Variants in KLHL2 observed in about 807,000 individuals in gnomAD.
KLHL2 encodes the protein kelch like family member 2.
A neutral mutation model predicts 75.8 loss-of-function variants in KLHL2; 15 were observed. The ratio of observed to expected loss-of-function variants is 0.20; its 90% CI spans 0.13 to 0.30. KLHL2 has a LOEUF of 0.30. Ranked by LOEUF, KLHL2 falls within the 10% of genes least tolerant of loss-of-function variation. The pLI, the probability that KLHL2 is intolerant of heterozygous loss-of-function variation, is 1.00. For synonymous variants in KLHL2, 214 were observed against 251.9 expected, an observed-to-expected ratio of 0.85 and a Z score of 1.42; for missense variants, 381 against 741.0, an observed-to-expected ratio of 0.51 and a Z score of 5.64.
At chr4:165,253,559 T>C (rs1740915546) in intron 4 of KLHL2, among the ~76,000 whole-genome samples, 1 of 152,258 alleles carries the variant, frequency 6.6e-6, no homozygotes. Context: ...CCTAGTGGGA[T>C]ATAATTTACA....
intron 5 of KLHL2, 102 bp from the exon 6 acceptor site, chr4:165,294,257 T>A (rs1178065629): frequency 1.5e-6 from 1 of 680,934 alleles, no homozygotes; most frequent in Non-Finnish European, 2.5e-6. Flanking sequence ...GGTTTTCTCA[T>A]TCTTAAGTTA....
At chr4:165,306,752 TGATG>T (rs1356604591) in intron 9 of KLHL2, among the ~76,000 whole-genome samples, 1 of 152,242 alleles carries the variant, frequency 6.6e-6, no homozygotes, top group African/African-American at 2.4e-5. Flanking sequence ...ATAGTTTTAT[TGATG>T]TCACAGATAC....
At chr4:165,238,544 C>G (rs1164715372) in intron 3 of KLHL2, among the ~76,000 whole-genome samples, 1 of 152,174 alleles carries the variant, frequency 6.6e-6, no homozygotes, top group Admixed American at 6.5e-5. Context: ...ATGGCACGTT[C>G]ATTGTTGTGA....
At chr4:165,289,489 T>G (rs1744338377) in intron 5 of KLHL2, among the ~76,000 whole-genome samples, 1 of 151,308 alleles carries the variant, frequency 6.6e-6, no homozygotes, top group Non-Finnish European at 1.5e-5. Flanking sequence ...CACTTTTCCT[T>G]TAGGCTAATT....
At chr4:165,257,573 G>A (rs1215538157) in intron 4 of KLHL2, among the ~76,000 whole-genome samples, 3 of 152,204 alleles carry the variant, frequency 2.0e-5, no homozygotes, top group African/African-American at 7.2e-5. Flanking sequence ...GGGCCTGGTT[G>A]CTGCAGTGGT....
intron 5 of KLHL2, among the ~76,000 whole-genome samples, chr4:165,286,579 A>C (rs1239652951): frequency 6.6e-6 from 1 of 152,182 alleles, no homozygotes; most frequent in Non-Finnish European, 1.5e-5. Flanking sequence ...AAGGCCATTA[A>C]GCTTAAAATC....
chr4:165,234,410 TA>T (rs774491390), intron 3 of KLHL2, among the ~76,000 whole-genome samples: 15 of 152,232 alleles, frequency 9.9e-5, no homozygotes, highest in Non-Finnish European at 1.8e-4. Context: ...GTTACACTTT[TA>T]TTTTTTTTCA....
intron 7 of KLHL2, among the ~76,000 whole-genome samples, chr4:165,298,939 G>GCCC (rs536962387): frequency 3.6e-4 from 37 of 101,640 alleles, no homozygotes; most frequent in Admixed American, 1.2e-3. Context: ...CCTTCCCCCC[G>GCCC]CCCCCCCTCC....
chr4:165,307,318 C>T (rs577073046), intron 9 of KLHL2, among the ~76,000 whole-genome samples: 1 of 152,164 alleles, frequency 6.6e-6, no homozygotes, highest in Admixed American at 6.5e-5. Flanking sequence ...AAAAAACAAA[C>T]AAACAAACAA....
chr4:165,310,558 G>T lies in KLHL2; in HGVS notation c.1045G>T (p.Val349Phe). 1 of 1,613,690 alleles carries T rather than the reference G, an allele frequency of 6.2e-7. No individual in the cohort carries two copies. The highest frequency in any genetic ancestry group is 8.5e-7 in the Non-Finnish European group (1 of 1,179,642). ...LPSRRCRAGMVYMAGLVFAVG... is the reference protein window; with the variant it reads ...LPSRRCRAGMFYMAGLVFAVG... Reference sequence around the variant, plus strand: ...ATGCTGTACTCCTTTTGCAGGCATGGTCTACATGGCTGGACTTGTTTTTGC... The same window carrying T: ...ATGCTGTACTCCTTTTGCAGGCATGTTCTACATGGCTGGACTTGTTTTTGC... The change falls in exon 10 of 15, where the codon GTC becomes TTC. Residue 349 changes from valine to phenylalanine, a missense_variant. Physicochemically the swap from Val to Phe is conservative, Grantham distance 50. This residue lies in a region of KLHL2 where 168 missense variants were observed against 370.4 expected (regional missense o/e 0.45). Transcript: ENST00000226725.
intron 5 of KLHL2, among the ~76,000 whole-genome samples, chr4:165,281,074 T>C (rs1403515165): frequency 6.6e-6 from 1 of 152,214 alleles, no homozygotes; most frequent in Non-Finnish European, 1.5e-5. Context: ...ATTCATACTT[T>C]TGCCCTCACT....
intron 9 of KLHL2, 40 bp downstream of exon 9, chr4:165,305,765 T>C: frequency 7.6e-7 from 1 of 1,322,208 alleles, no homozygotes; most frequent in Non-Finnish European, 1.1e-6. Context: ...TACTCCTGGG[T>C]CATTGGGAGC....
At chr4:165,300,678 C>CT (rs1745281462) in intron 8 of KLHL2, among the ~76,000 whole-genome samples, 1 of 152,182 alleles carries the variant, frequency 6.6e-6, no homozygotes, top group South Asian at 2.1e-4. Context: ...ACGACCAATA[C>CT]TTTAAGCACC....
At chr4:165,232,868 C>T (rs1739016386) in intron 3 of KLHL2, among the ~76,000 whole-genome samples, 1 of 148,234 alleles carries the variant, frequency 6.7e-6, no homozygotes, top group African/African-American at 2.5e-5. Flanking sequence ...TGGTCTGAAA[C>T]CCTGTTAAGC....
At chr4:165,321,679 T>C (rs1373280894) in intron 14 of KLHL2, among the ~76,000 whole-genome samples, 2 of 152,218 alleles carry the variant, frequency 1.3e-5, no homozygotes, top group Non-Finnish European at 2.9e-5. Flanking sequence ...TTATTACTTT[T>C]GACAGAGTAT....
intron 5 of KLHL2, among the ~76,000 whole-genome samples, chr4:165,273,568 A>T (rs529351067): frequency 6.6e-6 from 1 of 152,288 alleles, no homozygotes; most frequent in South Asian, 2.1e-4. Context: ...TTGTGATAGT[A>T]AGTCTCACAA....
intron 5 of KLHL2, among the ~76,000 whole-genome samples, chr4:165,268,355 C>G (rs1742411598): frequency 6.6e-6 from 1 of 152,082 alleles, no homozygotes; most frequent in African/African-American, 2.4e-5. Flanking sequence ...CTTCTGCTAG[C>G]TTTTGAATGT....
intron 8 of KLHL2, among the ~76,000 whole-genome samples, chr4:165,304,967 C>T (rs1035245872): frequency 1.3e-5 from 2 of 152,128 alleles, no homozygotes; most frequent in African/African-American, 4.8e-5. Flanking sequence ...CTCATTTATT[C>T]TCAAAAGTAG....
intron 5 of KLHL2, among the ~76,000 whole-genome samples, chr4:165,265,005 C>T (rs1742132638): frequency 6.6e-6 from 1 of 151,620 alleles, no homozygotes. Context: ...AGCATATAAG[C>T]GTTCCCGTTT....
Sources: gnomAD v4.1 joint callset for allele counts (sites outside exome capture counted in the v4.1 genomes callset) on GRCh38, gnomAD v4.1.1 for gene constraint, gnomAD v4.1.1 regional missense constraint, MANE v1.5 for transcripts, NCBI Gene and HGNC (gene_info 2026-07-23, HGNC 2026-07-21) for gene names.